The following ZNF559 variants were observed in gnomAD, a reference collection of about 807,000 sequenced individuals.
The protein encoded by ZNF559 is zinc finger protein 559.
In ZNF559, 17 loss-of-function variants were observed where a neutral mutation model predicts 14.2. The observed-to-expected ratio is 1.20, with a 90% CI of 0.82 to 1.80. The LOEUF (loss-of-function observed/expected upper bound fraction) is 1.80. Ranked by LOEUF, ZNF559 falls within the 40% of genes most tolerant of loss-of-function variation. The pLI, the probability that ZNF559 is intolerant of heterozygous loss-of-function variation, is 0.00. For synonymous variants in ZNF559, 244 were observed against 212.4 expected (o/e 1.15, Z -1.29); for missense variants, 740 against 629.7 (o/e 1.18, Z -1.88).
intron 1 of ZNF559, chr19:9,324,480 T>C: frequency 7.1e-7 from 1 of 1,405,400 alleles, no homozygotes; most frequent in Non-Finnish European, 9.3e-7. Flanking sequence ...CCTTTCCATT[T>C]TCCCTGCTCC....
Position 9,345,476 on chromosome 19 carries a change from T to C in ZNF559, c.*2408T>C, listed in dbSNP as rs2067707905. Reference sequence around the variant, plus strand: ...GCCAATTATTGGTATGGTCAGTCTTTTTTATTTTGACCATTTTAATAGGTG... The same window carrying C: ...GCCAATTATTGGTATGGTCAGTCTTCTTTATTTTGACCATTTTAATAGGTG... On this transcript the variant is annotated 3_prime_UTR_variant, in exon 7 of 7. Coordinates refer to ENST00000603380, the MANE Select transcript of ZNF559 (RefSeq NM_032497.3). 1 of 152,112 alleles carries C rather than the reference T, an allele frequency of 6.6e-6. No homozygotes were observed. Among genetic ancestry groups the C allele is most frequent in the South Asian group, 2.1e-4 (1 of 4,828 alleles). The allele number at this position is 152,112 out of a possible 1,614,324, so 9.4% of individuals were successfully genotyped here.
At chr19:9,337,910 T>G in intron 3 of ZNF559, 52 bp downstream of exon 3, 1 of 1,534,988 alleles carries the variant, frequency 6.5e-7, no homozygotes. Flanking sequence ...TGAGATTGAC[T>G]TACCCATAAG....
At chr19:9,332,314 TATC>T (rs747090391) in intron 2 of ZNF559, among the ~76,000 whole-genome samples, 5 of 151,390 alleles carry the variant, frequency 3.3e-5, no homozygotes, top group Non-Finnish European at 7.4e-5. Context: ...CTTGATGTAT[TATC>T]TTTTCATATA....
intron 2 of ZNF559, among the ~76,000 whole-genome samples, chr19:9,326,550 C>T (rs2066616658): frequency 1.3e-5 from 2 of 152,132 alleles, no homozygotes; most frequent in Admixed American, 1.3e-4. Flanking sequence ...GTTGGGGTTA[C>T]AGTGGTACTG....
chr19:9,335,223 G>A (rs999086085), intron 2 of ZNF559, among the ~76,000 whole-genome samples: 1 of 151,788 alleles, frequency 6.6e-6, no homozygotes, highest in African/African-American at 2.4e-5. Context: ...GATCGCTTGA[G>A]CCCAGGAGTT....
At position 9,325,082 on chromosome 19, in the gene ZNF559, G is replaced by A. The variant is rs557994206; in HGVS notation, c.-120+302G>A. 1.2e-4 allele frequency among the ~76,000 whole-genome samples: 19 copies of A among 152,272 alleles called. No individual in the cohort carries two copies. The South Asian group carries it at 3.5e-3, about 28-fold the overall frequency. Reference sequence around the variant, plus strand: ...GTGCGGGCTGATTTACTAGCAGGAGGGATTGAATTGATAATGAATGCGAAG... The same window carrying A: ...GTGCGGGCTGATTTACTAGCAGGAGAGATTGAATTGATAATGAATGCGAAG... On this transcript the variant is annotated intron_variant, in intron 2 of 6. Coordinates refer to ENST00000603380, the MANE Select transcript of ZNF559 (RefSeq NM_032497.3).
chr19:9,328,348 C>CTTTTTTTT (rs904074002), intron 2 of ZNF559, among the ~76,000 whole-genome samples: 33 of 60,984 alleles, frequency 5.4e-4, no homozygotes, highest in African/African-American at 7.8e-4. Context: ...GCTTGTTTGT[C>CTTTTTTTT]TTTTTTTTTT....
At chr19:9,333,776 AAT>A (rs1226997139) in intron 2 of ZNF559, among the ~76,000 whole-genome samples, 3 of 152,126 alleles carry the variant, frequency 2.0e-5, no homozygotes, top group African/African-American at 4.8e-5. Flanking sequence ...TAATATCCAA[AAT>A]ACATTAAGAA....
At chr19:9,323,837 G>T, upstream of ZNF559, 1 of 335,470 alleles carries the variant, frequency 3.0e-6, no homozygotes, top group Non-Finnish European at 5.5e-6. Flanking sequence ...GACTCATGAA[G>T]GTTCTGTTTC....
At chr19:9,340,681 C>T (rs1396871427) in intron 5 of ZNF559, among the ~76,000 whole-genome samples, 1 of 151,682 alleles carries the variant, frequency 6.6e-6, no homozygotes, top group African/African-American at 2.4e-5. Context: ...ATTCCCCTGC[C>T]TCAGCCTCCT....
Position 9,344,390 on chromosome 19 carries a change from T to A in ZNF559, c.*1322T>A, listed in dbSNP as rs2067686977. 6.6e-6 allele frequency: 1 copy of A among 151,906 alleles called. No individual in the cohort carries two copies. Among genetic ancestry groups the A allele is most frequent in the Non-Finnish European group, 1.5e-5 (1 of 68,012 alleles). The allele number at this position is 151,906 out of a possible 1,614,324, so 9.4% of individuals were successfully genotyped here. On this transcript the variant is annotated 3_prime_UTR_variant, in exon 7 of 7. Coordinates refer to ENST00000603380, the MANE Select transcript of ZNF559 (RefSeq NM_032497.3). Reference sequence around the variant, plus strand: ...CAGGCATGCTGGCTCACACCTTAATTCCAGCAATTTGGGAGGCCAAGGCAG... The same window carrying A: ...CAGGCATGCTGGCTCACACCTTAATACCAGCAATTTGGGAGGCCAAGGCAG...
At position 9,339,263 on chromosome 19, in the gene ZNF559, A is replaced by G. The variant is rs1224095050; in HGVS notation, c.104A>G (p.Gln35Arg). 9 of 1,614,010 alleles carry G rather than the reference A, an allele frequency of 5.6e-6. No individual in the cohort carries two copies. The highest frequency in any genetic ancestry group is 7.6e-6 in the Non-Finnish European group (9 of 1,179,952). Residue 35 changes from glutamine to arginine, a missense_variant, in exon 5 of 7, where the codon CAG (glutamine) becomes CGG (arginine). Coordinates refer to ENST00000603380, the MANE Select transcript of ZNF559 (RefSeq NM_032497.3). ...QEEWTLLDQT[Q>R]RNLYRDVMLE... Reference sequence around the variant, plus strand: ...GAGTGGACTTTGCTGGATCAAACTCAGAGAAACTTATACAGAGATGTGATG... The same window carrying G: ...GAGTGGACTTTGCTGGATCAAACTCGGAGAAACTTATACAGAGATGTGATG...
intron 5 of ZNF559, 142 bp from the exon 6 acceptor site, chr19:9,340,955 CAATTT>C: frequency 1.5e-6 from 1 of 672,890 alleles, no homozygotes. Flanking sequence ...CCAAATTTCT[CAATTT>C]ATGTTTCCCG....
At chr19:9,327,741 C>T (rs1263876011) in intron 2 of ZNF559, among the ~76,000 whole-genome samples, 1 of 114,368 alleles carries the variant, frequency 8.7e-6, no homozygotes, top group Non-Finnish European at 1.8e-5. Flanking sequence ...AATGTCACAA[C>T]TTATTCTAAT....
chr19:9,339,372 T>G, intron 5 of ZNF559, 53 bp downstream of exon 5: 1 of 1,551,764 alleles, frequency 6.4e-7, no homozygotes, highest in Non-Finnish European at 8.7e-7. Context: ...CAAATGTGTC[T>G]TAAGTAACTA....
chr19:9,324,674 G>T (rs79134515), intron 1 of ZNF559, 21 bp from the exon 2 acceptor site: 5 of 1,477,480 alleles, frequency 3.4e-6, no homozygotes, highest in South Asian at 1.2e-5. Context: ...CACATCCAGC[G>T]TTGTGCCTTT....
rs142182540 is a variant in ZNF559, at chr19:9,324,183, G to C, written c.-251G>C. On this transcript the variant is annotated 5_prime_UTR_variant, in exon 1 of 7. Transcript: ENST00000603380. ...GCGGCGTGTCTGCGTGGGCGCATGC[G>C]CATAACGGCCGCCATCTTAACAGCG... is the stretch of plus-strand genomic sequence containing the variant. 3.3e-6 allele frequency: 5 copies of C among 1,536,068 alleles called. No homozygotes were observed. The highest frequency in any genetic ancestry group is 4.4e-6 in the Non-Finnish European group (5 of 1,146,874).
At chr19:9,325,144 A>C (rs981837969) in intron 2 of ZNF559, among the ~76,000 whole-genome samples, 6 of 152,068 alleles carry the variant, frequency 3.9e-5, no homozygotes, top group African/African-American at 1.4e-4. Flanking sequence ...CCAGTTACTC[A>C]TTTGAAAGTC....
In ZNF559 at chr19:9,342,055, G is replaced by T; in HGVS notation, c.604G>T (p.Glu202Ter). The change falls in exon 7 of 7, where the codon GAA becomes TAA. Residue 202 changes from glutamate to a stop codon, truncating the protein, a stop_gained. Transcript: ENST00000603380. LOFTEE classifies it low-confidence loss of function (END_TRUNC). ...KGLPSSSHLR[E>*]CVRIYGGERP... ...CTTACCTTCCTCCTCACACCTCAGA[G>T]AATGTGTAAGAATTTATGGTGGAGA... The T allele has an allele frequency of 6.2e-7, 1 of 1,609,996 alleles. No homozygotes were observed. The highest frequency in any genetic ancestry group is 8.5e-7 in the Non-Finnish European group (1 of 1,178,774).
Sources: allele counts gnomAD v4.1 joint callset (sites outside exome capture counted in the v4.1 genomes callset), GRCh38; gene constraint gnomAD v4.1.1; transcripts MANE v1.5; gene names NCBI Gene and HGNC (gene_info 2026-07-23, HGNC 2026-07-21).